The following CNTN5 variants were observed in gnomAD, a reference collection of about 807,000 sequenced individuals.
CNTN5 encodes the protein contactin-5.
In CNTN5, 77 loss-of-function variants were observed where a neutral mutation model predicts 129.1. That is an observed-to-expected ratio of 0.60 (90% CI 0.50 to 0.72). The LOEUF (loss-of-function observed/expected upper bound fraction) is 0.72. Among genes scored for constraint, CNTN5 ranks in the 30% least tolerant of loss-of-function variants. The probability of loss-of-function intolerance (pLI) is 0.00; values close to 1 mark genes in which losing one functional copy is unlikely to be tolerated. For synonymous variants in CNTN5, 509 were observed against 465.6 expected (o/e 1.09, Z -1.20); for missense variants, 1,478 against 1,328.8 (o/e 1.11, Z -1.75).
At chr11:100,184,922 G>A (rs1394543047) in intron 13 of CNTN5, among the ~76,000 whole-genome samples, 1 of 152,004 alleles carries the variant, frequency 6.6e-6, no homozygotes, top group South Asian at 2.1e-4. Flanking sequence ...TATCATGGGG[G>A]TGGTTTCCCC....
chr11:99,575,497 A>G (rs2135590342), intron 3 of CNTN5, among the ~76,000 whole-genome samples: 1 of 152,340 alleles, frequency 6.6e-6, no homozygotes, highest in Non-Finnish European at 1.5e-5. Flanking sequence ...ATTTGTTAAG[A>G]ACATGCTAAA....
chr11:99,839,700 G>C (rs938459407), intron 4 of CNTN5, among the ~76,000 whole-genome samples: 6 of 152,026 alleles, frequency 3.9e-5, no homozygotes, highest in Non-Finnish European at 5.9e-5. Context: ...TGATATGTAA[G>C]TTTTGGAGCT....
intron 2 of CNTN5, among the ~76,000 whole-genome samples, chr11:99,461,187 G>A (rs1246413044): frequency 6.6e-6 from 1 of 152,042 alleles, no homozygotes; most frequent in Admixed American, 6.6e-5. Flanking sequence ...ACAGAAAGCA[G>A]ATCAGTAGTT....
chr11:99,778,481 A>G (rs1027744641), intron 3 of CNTN5, among the ~76,000 whole-genome samples: 1 of 151,870 alleles, frequency 6.6e-6, no homozygotes, highest in Non-Finnish European at 1.5e-5. Flanking sequence ...TAGATGGATA[A>G]AAGCTCTTAT....
intron 3 of CNTN5, among the ~76,000 whole-genome samples, chr11:99,592,854 T>C (rs1049685099): frequency 1.3e-5 from 2 of 152,026 alleles, no homozygotes; most frequent in Admixed American, 6.6e-5. Context: ...GAGTAAGAAA[T>C]GATGGTGGGT....
intron 3 of CNTN5, among the ~76,000 whole-genome samples, chr11:99,569,057 G>A (rs1444739739): frequency 6.6e-6 from 1 of 152,092 alleles, no homozygotes; most frequent in Admixed American, 6.5e-5. Context: ...TGTGGCTCTA[G>A]GGTATGCTGG....
At chr11:99,791,686 A>C (rs1945748547) in intron 3 of CNTN5, among the ~76,000 whole-genome samples, 1 of 152,196 alleles carries the variant, frequency 6.6e-6, no homozygotes, top group Admixed American at 6.5e-5. Flanking sequence ...GACAGCAGTG[A>C]ATCTGTAGAT....
chr11:99,666,577 C>T (rs1314910972), intron 3 of CNTN5, among the ~76,000 whole-genome samples: 2 of 152,158 alleles, frequency 1.3e-5, no homozygotes, highest in Admixed American at 6.5e-5. Flanking sequence ...ACCACAATAG[C>T]ACAGAGAGAA....
intron 1 of CNTN5, among the ~76,000 whole-genome samples, chr11:99,123,398 GT>G (rs1456927748): frequency 3.3e-5 from 5 of 151,714 alleles, no homozygotes; most frequent in Non-Finnish European, 5.9e-5. Flanking sequence ...GGGTTTGTTT[GT>G]TTTTTGCTTG....
chr11:99,410,496 G>A (rs1359473989), intron 2 of CNTN5, among the ~76,000 whole-genome samples: 1 of 151,936 alleles, frequency 6.6e-6, no homozygotes, highest in Non-Finnish European at 1.5e-5. Flanking sequence ...CCAAACTGTG[G>A]AACAAAAGGT....
At chr11:99,367,105 C>A (rs929989619) in intron 2 of CNTN5, among the ~76,000 whole-genome samples, 2 of 152,142 alleles carry the variant, frequency 1.3e-5, no homozygotes, top group Non-Finnish European at 2.9e-5. Context: ...TCACCCAATT[C>A]TAAAATACAT....
At chr11:99,436,635 T>C (rs1943610259) in intron 2 of CNTN5, among the ~76,000 whole-genome samples, 2 of 152,186 alleles carry the variant, frequency 1.3e-5, no homozygotes, top group Non-Finnish European at 2.9e-5. Context: ...AAAACTTTAC[T>C]ATCACCTCCA....
intron 7 of CNTN5, among the ~76,000 whole-genome samples, chr11:99,936,650 G>A (rs1272965671): frequency 6.6e-6 from 1 of 152,080 alleles, no homozygotes; most frequent in Admixed American, 6.5e-5. Flanking sequence ...AGAGGATCAG[G>A]GCATATGGGG....
chr11:99,502,418 TG>T lies in CNTN5; in HGVS notation c.-70-53720del, dbSNP rs578113990. Among the ~76,000 whole-genome samples the T allele has an allele frequency of 1.2e-4, 18 of 151,964 alleles. No individual in the cohort carries two copies. In the East Asian group the frequency reaches 3.3e-3, roughly 28 times the overall value. ...ATGGAGGTAATTGAATCACGGGGGTTGGGGGGGTGGTTTCCTCCACGCTGTT... is the reference window on the plus strand; with the variant it reads ...ATGGAGGTAATTGAATCACGGGGGTTGGGGGGTGGTTTCCTCCACGCTGTT... On this transcript the variant is annotated intron_variant, in intron 2 of 24. Coordinates refer to ENST00000524871, the MANE Select transcript of CNTN5 (RefSeq NM_014361.4).
At chr11:99,783,755 G>A (rs538583336) in intron 3 of CNTN5, among the ~76,000 whole-genome samples, 2 of 150,130 alleles carry the variant, frequency 1.3e-5, no homozygotes, top group African/African-American at 4.9e-5. Context: ...TCACTCATAG[G>A]TGGGAATTGA....
At chr11:100,181,380 G>A (rs1223116863) in intron 13 of CNTN5, among the ~76,000 whole-genome samples, 1 of 151,944 alleles carries the variant, frequency 6.6e-6, no homozygotes, top group Non-Finnish European at 1.5e-5. Flanking sequence ...TATAAATGGA[G>A]AGAAATTAGC....
At chr11:100,154,313 G>C (rs1947163131) in intron 13 of CNTN5, among the ~76,000 whole-genome samples, 1 of 147,894 alleles carries the variant, frequency 6.8e-6, no homozygotes, top group South Asian at 2.2e-4. Context: ...GTATTCCATG[G>C]TGTATCTGTG....
At chr11:100,333,680 T>C (rs1466007844) in intron 21 of CNTN5, among the ~76,000 whole-genome samples, 2 of 151,926 alleles carry the variant, frequency 1.3e-5, no homozygotes, top group East Asian at 3.9e-4. Context: ...AAACATAAAG[T>C]GGGAAAGGAC....
At chr11:100,079,563 T>C (rs1490451744) in intron 13 of CNTN5, among the ~76,000 whole-genome samples, 1 of 152,168 alleles carries the variant, frequency 6.6e-6, no homozygotes, top group Non-Finnish European at 1.5e-5. Context: ...CTTGTTCCAT[T>C]AACATTTTAT....
Sources: gnomAD v4.1 joint callset for allele counts (sites outside exome capture counted in the v4.1 genomes callset) on GRCh38, gnomAD v4.1.1 for gene constraint, MANE v1.5 for transcripts, NCBI Gene and HGNC (gene_info 2026-07-23, HGNC 2026-07-21) for gene names.